The following CDK5RAP1 variants were observed in gnomAD, a reference collection of about 807,000 sequenced individuals.
The protein encoded by CDK5RAP1 is mitochondrial tRNA methylthiotransferase CDK5RAP1.
CDK5RAP1 carries 62 observed loss-of-function variants against 64.5 expected under a neutral mutation model. The observed-to-expected ratio is 0.96, with a 90% CI of 0.78 to 1.19. The LOEUF is 1.19. Ranked by LOEUF, CDK5RAP1 falls within the 50% of genes most tolerant of loss-of-function variation. The pLI is 0.00. For missense variants in CDK5RAP1, 657 were observed against 735.0 expected (o/e 0.89, Z 1.23); for synonymous variants, 250 against 261.9 (o/e 0.95, Z 0.44).
Position 33,379,621 on chromosome 20 carries a change from T to C in CDK5RAP1, c.947A>G (p.Asn316Ser), listed in dbSNP as rs371041320. The C allele has an allele frequency of 1.2e-6, 2 of 1,614,046 alleles. No homozygotes were observed. Among genetic ancestry groups the C allele is most frequent in the African/African-American group, 2.7e-5 (2 of 74,922 alleles). ...ACTGAGATTGGTAGGCACTGCACTG[T>C]TGAACTGGACCTCCGAATTGTCCCG... The part of the protein sequence containing the change: ...SFRDNSEVQF[N>S]SAVPTNLSRG... Residue 316 changes from asparagine (N) to serine (S), a missense_variant, in exon 8 of 14, where the codon AAC becomes AGC. Asn to Ser is a conservative substitution (Grantham distance 46). Transcript: ENST00000346416.
Position 33,385,744 on chromosome 20 carries a change from A to T in CDK5RAP1, c.782T>A (p.Met261Lys). ...GAAAGGAACAATGCAGTAGCTACAC[A>T]TGTTGTCACAGCCTCGCATGATTGA... is the stretch of plus-strand genomic sequence containing the variant. Reference protein sequence around the residue: ...FVSIMRGCDNMCSYCIVPFTR... With the variant: ...FVSIMRGCDNKCSYCIVPFTR... The change falls in exon 7 of 14, where the codon ATG becomes AAG. Residue 261 changes from methionine to lysine, a missense_variant. By Grantham distance (95) the Met-to-Lys change is moderately conservative. Transcript: ENST00000346416. The T allele has an allele frequency of 6.2e-7, 1 of 1,613,552 alleles. No individual in the cohort carries two copies. The highest frequency in any genetic ancestry group is 8.5e-7 in the Non-Finnish European group (1 of 1,179,810).
At chr20:33,365,525 G>C (rs1298855210) in intron 12 of CDK5RAP1, among the ~76,000 whole-genome samples, 1 of 147,628 alleles carries the variant, frequency 6.8e-6, no homozygotes, top group Non-Finnish European at 1.5e-5. Flanking sequence ...ACCCGCCTCG[G>C]CCCCCCAAAG....
intron 4 of CDK5RAP1, among the ~76,000 whole-genome samples, chr20:33,393,766 C>T (rs770658427): frequency 2.0e-5 from 3 of 152,136 alleles, no homozygotes; most frequent in Non-Finnish European, 4.4e-5. Flanking sequence ...TTGGTGTCCT[C>T]ATCTATAACA....
intron 8 of CDK5RAP1, among the ~76,000 whole-genome samples, chr20:33,379,144 C>A (rs1986415973): frequency 6.6e-6 from 1 of 152,088 alleles, no homozygotes; most frequent in Non-Finnish European, 1.5e-5. Context: ...CGTATCCCAC[C>A]CCACCCAGCT....
At chr20:33,360,882 C>T (rs1293155202) in intron 12 of CDK5RAP1, among the ~76,000 whole-genome samples, 1 of 152,162 alleles carries the variant, frequency 6.6e-6, no homozygotes, top group Non-Finnish European at 1.5e-5. Flanking sequence ...GTTTGGCCTG[C>T]ATTACTTGCC....
At position 33,392,175 on chromosome 20, in the gene CDK5RAP1, G is replaced by A. The variant is rs547721829; in HGVS notation, c.511C>T (p.Arg171Cys). The change falls in exon 5 of 14, where the codon CGC becomes TGC. Residue 171 changes from arginine (R) to cysteine (C), a missense_variant. By Grantham distance (180) the Arg-to-Cys change is radical. Transcript: ENST00000346416. The stretch of plus-strand genomic sequence containing the variant: ...CCAATCCTCAGAGGAACCCGGGAGC[G>A]GGGCCGCCTTGTCTTCAAGGCTTTA... ...QLKALKTRRP[R>C]SRVPLRIGIL... is the part of the protein sequence containing the mutation. 45 of 1,613,534 alleles carry A rather than the reference G, an allele frequency of 2.8e-5. 1 individual carries two copies. In the East Asian group the frequency reaches 4.5e-4, roughly 16 times the overall value.
rs1483202513 is a variant in CDK5RAP1 at position 33,392,261 on chromosome 20, G to C, written c.444-19C>G. 6.5e-7 allele frequency: 1 copy of C among 1,526,848 alleles called. No homozygotes were observed. The allele number at this position is 1,526,848 out of a possible 1,614,324, so 94.6% of individuals were successfully genotyped here. Reference sequence around the variant, plus strand: ...CTTCTCCCTAGAGAGATCAAAGGAGGCAAGACTGAACCAAAAATAAACCAC... The same window carrying C: ...CTTCTCCCTAGAGAGATCAAAGGAGCCAAGACTGAACCAAAAATAAACCAC... On this transcript the variant is annotated intron_variant, in intron 4 of 13. Transcript: ENST00000346416.
chr20:33,400,723 G>A (rs927601036), intron 1 of CDK5RAP1, among the ~76,000 whole-genome samples: 3 of 152,126 alleles, frequency 2.0e-5, no homozygotes, highest in African/African-American at 7.2e-5. Flanking sequence ...GCTGAGGCAG[G>A]AGAATCGCTG....
intron 5 of CDK5RAP1, among the ~76,000 whole-genome samples, chr20:33,389,575 CG>C (rs1437630979): frequency 4.0e-5 from 6 of 148,794 alleles, no homozygotes; most frequent in African/African-American, 7.4e-5. Flanking sequence ...CCGCCCCGTC[CG>C]GGAGGGAGTA....
At chr20:33,380,613 A>C (rs1021621217) in intron 7 of CDK5RAP1, among the ~76,000 whole-genome samples, 1 of 152,206 alleles carries the variant, frequency 6.6e-6, no homozygotes, top group Non-Finnish European at 1.5e-5. Flanking sequence ...ATGGTTCAGA[A>C]AAAATACATT....
At chr20:33,367,041 G>A (rs774925750) in intron 11 of CDK5RAP1, 33 bp from the exon 12 acceptor site, 2 of 1,588,860 alleles carry the variant, frequency 1.3e-6, no homozygotes, top group Non-Finnish European at 1.7e-6. Context: ...AGAAGATGGA[G>A]GTCACCAAGG....
intron 12 of CDK5RAP1, among the ~76,000 whole-genome samples, chr20:33,361,940 A>T: frequency 8.3e-6 from 1 of 119,944 alleles, no homozygotes; most frequent in African/African-American, 3.1e-5. Context: ...TGGGCAACAG[A>T]GTGAGCCTCA....
chr20:33,395,751 G>A (rs1246539555), intron 2 of CDK5RAP1, among the ~76,000 whole-genome samples: 1 of 152,200 alleles, frequency 6.6e-6, no homozygotes, highest in African/African-American at 2.4e-5. Flanking sequence ...GGTGGCTCAC[G>A]CCTGTAATCC....
At chr20:33,374,567 A>T (rs948364491) in intron 8 of CDK5RAP1, among the ~76,000 whole-genome samples, 22 of 141,922 alleles carry the variant, frequency 1.6e-4, no homozygotes, top group Non-Finnish European at 2.2e-4. Context: ...GTCACTTTCT[A>T]TTTTTTTTTT....
At chr20:33,394,876 C>G in intron 3 of CDK5RAP1, 137 bp downstream of exon 3, 2 of 656,640 alleles carry the variant, frequency 3.0e-6, no homozygotes. Flanking sequence ...ACAACTCAGT[C>G]CCATGGTGAA....
At chr20:33,365,799 G>C (rs1239860859) in intron 12 of CDK5RAP1, among the ~76,000 whole-genome samples, 2 of 152,156 alleles carry the variant, frequency 1.3e-5, no homozygotes, top group East Asian at 3.8e-4. Flanking sequence ...ACTCTGTGCT[G>C]ATGGCCATAA....
rs368701296 is a variant in CDK5RAP1, at chr20:33,366,970, C to T, written c.1431G>A (p.Pro477=). 73 of 1,613,418 alleles carry T rather than the reference C, an allele frequency of 4.5e-5. No homozygotes were observed. Among genetic ancestry groups the T allele is most frequent in the South Asian group, 4.3e-4 (39 of 91,036 alleles). The change falls in exon 12 of 14, where the codon CCG becomes CCA. Residue 477 remains proline, a synonymous_variant. Transcript: ENST00000346416. ...RAYHRLKDDV[P]EEVKLRRLEE... ...CCAAACGCCTTAATTTTACCTCTTC[C>T]GGGACATCATCCTTCAGCCTATGAT...
At chr20:33,373,980 A>G (rs77672651) in intron 9 of CDK5RAP1, 135 bp downstream of exon 9, 11 of 695,612 alleles carry the variant, frequency 1.6e-5, no homozygotes, top group Non-Finnish European at 2.8e-5. Context: ...CCAGTGGCTT[A>G]GTCATACAAT....
chr20:33,361,933 G>A lies in CDK5RAP1; in HGVS notation c.1543-1442C>T, dbSNP rs550113243. Among the ~76,000 whole-genome samples the A allele has an allele frequency of 3.0e-5, 4 of 134,522 alleles. No individual in the cohort carries two copies. In the South Asian group the frequency reaches 9.6e-4, roughly 32 times the overall value. The allele number at this position is 134,522 out of a possible 152,430, so 88.3% of individuals were successfully genotyped here. On this transcript the variant is annotated intron_variant, in intron 12 of 13. Transcript: ENST00000346416. ...ATCACGCCACTGCACTCCAGTGTGG[G>A]CAACAGAGTGAGCCTCAGTCTCAAA...
Sources: allele counts gnomAD v4.1 joint callset (sites outside exome capture counted in the v4.1 genomes callset), GRCh38; gene constraint gnomAD v4.1.1; transcripts MANE v1.5; gene names NCBI Gene and HGNC (gene_info 2026-07-23, HGNC 2026-07-21).